FARS2: variants seen among roughly 807,000 people sequenced by gnomAD.
FARS2 encodes the protein phenylalanine--tRNA ligase, mitochondrial.
FARS2 carries 40 observed loss-of-function variants against 46.4 expected under a neutral mutation model. That is an observed-to-expected ratio of 0.86 (90% CI 0.67 to 1.12). The LOEUF (loss-of-function observed/expected upper bound fraction) is 1.12, where lower values mean the gene tolerates loss of function less well. Among genes scored for constraint, FARS2 ranks in the 50% most tolerant of loss-of-function variants. The pLI is 0.00. For synonymous variants in FARS2, 234 were observed against 214.9 expected, an observed-to-expected ratio of 1.09 and a Z score of -0.78; for missense variants, 513 against 567.9, an observed-to-expected ratio of 0.90 and a Z score of 0.98.
At chr6:5,709,731 T>TG (rs1554128007) in intron 6 of FARS2, among the ~76,000 whole-genome samples, 4 of 132,486 alleles carry the variant, frequency 3.0e-5, no homozygotes, top group East Asian at 2.2e-4. Flanking sequence ...GGGGTGGGGT[T>TG]GTGTGTGTGT....
chr6:5,458,780 G>T (rs935187903), intron 4 of FARS2, among the ~76,000 whole-genome samples: 1 of 152,258 alleles, frequency 6.6e-6, no homozygotes, highest in Admixed American at 6.5e-5. Flanking sequence ...ATCAACATGG[G>T]CAGGTTTACA....
chr6:5,746,911 T>C (rs184613964), intron 6 of FARS2, among the ~76,000 whole-genome samples: 1 of 152,262 alleles, frequency 6.6e-6, no homozygotes, highest in African/African-American at 2.4e-5. Flanking sequence ...GAAACATATG[T>C]AGGACCTTTA....
intron 6 of FARS2, among the ~76,000 whole-genome samples, chr6:5,731,809 C>T (rs1760641342): frequency 6.6e-6 from 1 of 151,554 alleles, no homozygotes. Flanking sequence ...CCCCTTGGTC[C>T]CTCTGAGGTC....
Position 5,368,828 on chromosome 6 carries a change from G to A in FARS2, c.258G>A (p.Leu86=). Reference sequence around the variant, plus strand: ...TGCACAACCAGCAGCATCACCCTCTGTGGCTGATCAAGGAGAGGGTGAAGG... The same window carrying A: ...TGCACAACCAGCAGCATCACCCTCTATGGCTGATCAAGGAGAGGGTGAAGG... ...RNLHNQQHHP[L]WLIKERVKEH... Residue 86 remains leucine (L), a synonymous_variant, in exon 2 of 7, where the codon CTG becomes CTA. Coordinates refer to ENST00000274680, the MANE Select transcript of FARS2 (RefSeq NM_006567.5). 1 of 1,614,164 alleles carries A rather than the reference G, an allele frequency of 6.2e-7. No homozygotes were observed. The highest frequency in any genetic ancestry group is 1.1e-5 in the South Asian group (1 of 91,072).
At chr6:5,658,961 C>T (rs1022527173) in intron 6 of FARS2, among the ~76,000 whole-genome samples, 11 of 152,182 alleles carry the variant, frequency 7.2e-5, no homozygotes, top group Non-Finnish European at 1.5e-4. Context: ...AATGTTGGCC[C>T]CTGCGTTTTA....
intron 1 of FARS2, among the ~76,000 whole-genome samples, chr6:5,297,390 G>A (rs1037459331): frequency 6.6e-6 from 1 of 152,224 alleles, no homozygotes; most frequent in East Asian, 1.9e-4. Flanking sequence ...GCTCACGCCT[G>A]TAATCCCAGC....
intron 1 of FARS2, among the ~76,000 whole-genome samples, chr6:5,295,046 T>C (rs1767759970): frequency 1.3e-5 from 2 of 152,150 alleles, no homozygotes; most frequent in African/African-American, 4.8e-5. Context: ...GTGGGAGTTA[T>C]GAGCCAGGAA....
chr6:5,285,851 G>A (rs1212778699), intron 1 of FARS2, among the ~76,000 whole-genome samples: 4 of 152,206 alleles, frequency 2.6e-5, no homozygotes, highest in Admixed American at 2.6e-4. Context: ...TCAGTCTTGG[G>A]TGCTGCTTCT....
chr6:5,422,773 C>T (rs1397094875), intron 3 of FARS2, among the ~76,000 whole-genome samples: 1 of 152,090 alleles, frequency 6.6e-6, no homozygotes, highest in East Asian at 1.9e-4. Context: ...CCCAGGAACA[C>T]AATTTAGACA....
chr6:5,745,409 ATAAATACCAATTT>A (rs1761580497), intron 6 of FARS2, among the ~76,000 whole-genome samples: 1 of 152,274 alleles, frequency 6.6e-6, no homozygotes, highest in African/African-American at 2.4e-5. Context: ...TCCTGCATAG[ATAAATACCAATTT>A]CTGTTTGTGT....
chr6:5,529,244 C>T (rs545900963), intron 4 of FARS2, among the ~76,000 whole-genome samples: 1 of 152,206 alleles, frequency 6.6e-6, no homozygotes, highest in South Asian at 2.1e-4. Context: ...CTTTCTCCTT[C>T]CTTTATATGG....
intron 1 of FARS2, among the ~76,000 whole-genome samples, chr6:5,315,003 A>T (rs1366206286): frequency 6.6e-6 from 1 of 152,246 alleles, no homozygotes; most frequent in Non-Finnish European, 1.5e-5. Context: ...GAATTTACAA[A>T]GCACGCACAT....
At chr6:5,287,349 TATC>T (rs1767192810) in intron 1 of FARS2, among the ~76,000 whole-genome samples, 1 of 152,168 alleles carries the variant, frequency 6.6e-6, no homozygotes, top group African/African-American at 2.4e-5. Flanking sequence ...TGGTCCGTGT[TATC>T]ATCCTGTTCT....
At chr6:5,663,869 A>G (rs1381619024) in intron 6 of FARS2, among the ~76,000 whole-genome samples, 5 of 152,238 alleles carry the variant, frequency 3.3e-5, no homozygotes, top group Admixed American at 3.3e-4. Flanking sequence ...AGATGTACTC[A>G]GCACTACTGT....
intron 3 of FARS2, among the ~76,000 whole-genome samples, chr6:5,412,735 G>A (rs2326607): frequency 0.21 from 32,286 of 152,126 alleles, 3,711 homozygotes; most frequent in East Asian, 0.46. Flanking sequence ...TTGTAAGTGT[G>A]TATCACTTTA....
chr6:5,524,073 A>G (rs974225301), intron 4 of FARS2, among the ~76,000 whole-genome samples: 9 of 151,614 alleles, frequency 5.9e-5, no homozygotes, highest in Non-Finnish European at 2.9e-5. Context: ...CCCAGCCTCT[A>G]TTCTTTTTAG....
rs114083468 is a variant in FARS2, at chr6:5,280,621, C to G, written c.-22+18961C>G. Among the ~76,000 whole-genome samples the G allele has an allele frequency of 3.2e-3, 482 of 152,092 alleles. 3 individuals are homozygous for G. The highest frequency in any genetic ancestry group is 0.011 in the African/African-American group (463 of 41,496). On this transcript the variant is annotated intron_variant, in intron 1 of 6. Coordinates refer to ENST00000274680, the MANE Select transcript of FARS2 (RefSeq NM_006567.5). ...TTCAGTTTCTTTATCTGGAAACTGTCTTTTTGAATGGCTTATCTTTTTAAT... is the reference window on the plus strand; with the variant it reads ...TTCAGTTTCTTTATCTGGAAACTGTGTTTTTGAATGGCTTATCTTTTTAAT...
At position 5,406,841 on chromosome 6, in the gene FARS2, G is replaced by A. The variant is rs1033913706; in HGVS notation, c.772+2140G>A. 2.3e-4 allele frequency among the ~76,000 whole-genome samples: 35 copies of A among 151,044 alleles called. No individual in the cohort carries two copies. The Middle Eastern group carries it at 0.01, about 45-fold the overall frequency. ...ATTATCTGAAGGGTTGCACCATCTC[G>A]ATTCCCAACAGTAGTCTGAAAATGC... On this transcript the variant is annotated intron_variant, in intron 3 of 6. Coordinates refer to ENST00000274680, the MANE Select transcript of FARS2 (RefSeq NM_006567.5).
At chr6:5,316,654 T>C (rs887216358) in intron 1 of FARS2, among the ~76,000 whole-genome samples, 1 of 152,202 alleles carries the variant, frequency 6.6e-6, no homozygotes, top group African/African-American at 2.4e-5. Context: ...CAGCATGCAC[T>C]GGCTTTGAGA....
Sources: gnomAD v4.1 joint callset for allele counts (sites outside exome capture counted in the v4.1 genomes callset) on GRCh38, gnomAD v4.1.1 for gene constraint, MANE v1.5 for transcripts, NCBI Gene and HGNC (gene_info 2026-07-23, HGNC 2026-07-21) for gene names.